The following PHKG2 variants were observed in gnomAD, a reference collection of about 807,000 sequenced individuals.
PHKG2 encodes phosphorylase b kinase gamma catalytic chain, liver/testis isoform.
PHKG2 carries 28 observed loss-of-function variants against 44.5 expected under a neutral mutation model. The ratio of observed to expected loss-of-function variants is 0.63; its 90% confidence interval spans 0.47 to 0.86. The LOEUF (loss-of-function observed/expected upper bound fraction) is 0.86, where lower values mean the gene tolerates loss of function less well. Among genes scored for constraint, PHKG2 ranks in the 40% least tolerant of loss-of-function variants. PHKG2 has a pLI of 0.00. For synonymous variants in PHKG2, 220 were observed against 211.2 expected, an observed-to-expected ratio of 1.04 and a Z score of -0.36; for missense variants, 498 against 547.5, an observed-to-expected ratio of 0.91 and a Z score of 0.90.
rs776358711 is a variant in PHKG2 at position 30,753,426 on chromosome 16, G to T, written c.425G>T (p.Ser142Ile). Residue 142 changes from serine to isoleucine, a missense_variant, in exon 6 of 10, where the codon AGC (serine) becomes ATC (isoleucine). Ser to Ile is a moderately radical substitution (Grantham distance 142). Coordinates refer to ENST00000563588, the MANE Select transcript of PHKG2 (RefSeq NM_000294.3). ...SIMRSLLEAV[S>I]FLHANNIVHR... Reference sequence around the variant, plus strand: ...ATGCGGTCTCTGCTGGAAGCAGTGAGCTTTCTCCATGCCAACAACATTGTG... The same window carrying T: ...ATGCGGTCTCTGCTGGAAGCAGTGATCTTTCTCCATGCCAACAACATTGTG... 6.2e-7 allele frequency: 1 copy of T among 1,614,018 alleles called. No individual in the cohort carries two copies. The highest frequency in any genetic ancestry group is 1.3e-5 in the African/African-American group (1 of 74,894).
At chr16:30,749,438 C>G (rs1388749956) in intron 2 of PHKG2, among the ~76,000 whole-genome samples, 2 of 152,144 alleles carry the variant, frequency 1.3e-5, no homozygotes, top group Admixed American at 6.5e-5. Context: ...ACCTCTGCCT[C>G]CTGGGTTCAA....
Position 30,757,531 on chromosome 16 carries a change from G to A in PHKG2, c.*434G>A. The A allele has an allele frequency of 1.2e-6, 2 of 1,614,244 alleles. No homozygotes were observed. The highest frequency in any genetic ancestry group is 1.7e-6 in the Non-Finnish European group (2 of 1,180,044). On this transcript the variant is annotated 3_prime_UTR_variant, in exon 10 of 10. Coordinates refer to ENST00000563588, the MANE Select transcript of PHKG2 (RefSeq NM_000294.3). Reference sequence around the variant, plus strand: ...AGGTAGCTGGAAGGGCCGCTCTAGTGCAGTCAACTTGCTGCTGAGCCTTTC... The same window carrying A: ...AGGTAGCTGGAAGGGCCGCTCTAGTACAGTCAACTTGCTGCTGAGCCTTTC...
chr16:30,751,034 T>C, intron 2 of PHKG2, 72 bp from the exon 3 acceptor site: 1 of 1,502,690 alleles, frequency 6.7e-7, no homozygotes, highest in South Asian at 1.1e-5. Flanking sequence ...GGCATGAGGA[T>C]GCTGAGGCCC....
At chr16:30,755,125 C>G (rs2053399885) in intron 6 of PHKG2, 1 of 325,524 alleles carries the variant, frequency 3.1e-6, no homozygotes, top group African/African-American at 2.2e-5. Context: ...ATCTGTCACC[C>G]CAGCTACTCG....
rs1428807767 is a variant in PHKG2, at chr16:30,749,196, C to CTGG, written c.95+290_95+292dup. Among the ~76,000 whole-genome samples, 560 of 31,270 alleles carry CTGG rather than the reference C, an allele frequency of 0.018. 138 individuals carry two copies. The South Asian group carries it at 0.46, about 26-fold the overall frequency. 20.5% of individuals were successfully genotyped at this position (31,270 alleles called of 152,430 possible). The stretch of plus-strand genomic sequence containing the variant: ...GCTGGTGGTGGTGCTGGTGGTGGTG[C>CTGG]TGGTGGTGGTGTGTGTGTGTGTGTG... On this transcript the variant is annotated intron_variant, in intron 2 of 9. Coordinates refer to ENST00000563588, the MANE Select transcript of PHKG2 (RefSeq NM_000294.3).
Position 30,751,623 on chromosome 16 carries a change from C to A in PHKG2, c.326+20C>A. On this transcript the variant is annotated intron_variant, in intron 4 of 9. Transcript: ENST00000563588. ...TGACCTGTGAGTATCTCCCTGCCAC[C>A]ATCTGAGAAGCCTCCTCCCCACCTC... 6.2e-7 allele frequency: 1 copy of A among 1,604,002 alleles called. No homozygotes were observed. Among genetic ancestry groups the A allele is most frequent in the Non-Finnish European group, 8.5e-7 (1 of 1,170,756 alleles).
At position 30,756,347 on chromosome 16, in the gene PHKG2, G is replaced by A. The variant is rs1169776790; in HGVS notation, c.648-20G>A. 6.2e-7 allele frequency: 1 copy of A among 1,614,036 alleles called. No individual in the cohort carries two copies. The highest frequency in any genetic ancestry group is 1.3e-5 in the African/African-American group (1 of 74,926). Reference sequence around the variant, plus strand: ...GTCTGCCCGTCACCTAGTCCCGCCTGACTCCAGTCTCTTTCCCAGCTGGGC... The same window carrying A: ...GTCTGCCCGTCACCTAGTCCCGCCTAACTCCAGTCTCTTTCCCAGCTGGGC... On this transcript the variant is annotated intron_variant, in intron 7 of 9. Coordinates refer to ENST00000563588, the MANE Select transcript of PHKG2 (RefSeq NM_000294.3).
chr16:30,752,941 G>A (rs2053370931), intron 4 of PHKG2: 9 of 459,196 alleles, frequency 2.0e-5, no homozygotes, highest in Middle Eastern at 1.2e-3. Flanking sequence ...ACTTTGAGAG[G>A]CCTTTTTCAG....
Position 30,760,656 on chromosome 16 carries a change from G to A in PHKG2, c.*3559G>A, listed in dbSNP as rs2053698797. The A allele has an allele frequency of 6.4e-7, 1 of 1,551,474 alleles. No homozygotes were observed. Among genetic ancestry groups the A allele is most frequent in the South Asian group, 1.2e-5 (1 of 83,904 alleles). ...TCTCCAGCTGGTGCATGGAATGGAC[G>A]TCCAGGTACTTCCTGTTATAGTAAA... On this transcript the variant is annotated 3_prime_UTR_variant, in exon 10 of 10. Transcript: ENST00000563588.
At chr16:30,751,022 C>A in intron 2 of PHKG2, 84 bp from the exon 3 acceptor site, 3 of 1,392,986 alleles carry the variant, frequency 2.2e-6, no homozygotes, top group Non-Finnish European at 2.0e-6. Flanking sequence ...TCTGGCACAG[C>A]GGGCATGAGG....
At position 30,756,665 on chromosome 16, in the gene PHKG2, C is replaced by G; in HGVS notation, c.877C>G (p.Arg293Gly). The G allele has an allele frequency of 6.2e-7, 1 of 1,614,020 alleles. No homozygotes were observed. Among genetic ancestry groups the G allele is most frequent in the Non-Finnish European group, 8.5e-7 (1 of 1,180,020 alleles). The change falls in exon 9 of 10, where the codon CGT (arginine) becomes GGT (glycine). Residue 293 changes from arginine (R) to glycine (G), a missense_variant. Physicochemically the swap from Arg to Gly is moderately radical, Grantham distance 125. Coordinates refer to ENST00000563588, the MANE Select transcript of PHKG2 (RefSeq NM_000294.3). Reference sequence around the variant, plus strand: ...GGCCCTACAGCACCCCTTCTTTGAGCGTTGTGAAGGCAGCCAACCCTGGAA... The same window carrying G: ...GGCCCTACAGCACCCCTTCTTTGAGGGTTGTGAAGGCAGCCAACCCTGGAA... ...EQALQHPFFERCEGSQPWNLT... is the reference protein window; with the variant it reads ...EQALQHPFFEGCEGSQPWNLT...
chr16:30,759,049 C>T lies in PHKG2; in HGVS notation c.*1952C>T. Reference sequence around the variant, plus strand: ...CTGGTGGGGCCACTGTCTCTAGTTCCTCTTTCTGCGGGGTAACTGCCTGCT... The same window carrying T: ...CTGGTGGGGCCACTGTCTCTAGTTCTTCTTTCTGCGGGGTAACTGCCTGCT... On this transcript the variant is annotated 3_prime_UTR_variant, in exon 10 of 10. Coordinates refer to ENST00000563588, the MANE Select transcript of PHKG2 (RefSeq NM_000294.3). 1.2e-6 allele frequency: 2 copies of T among 1,613,762 alleles called. No homozygotes were observed. The highest frequency in any genetic ancestry group is 1.1e-5 in the South Asian group (1 of 91,036).
At chr16:30,756,159 C>T in intron 6 of PHKG2, 23 bp from the exon 7 acceptor site, 1 of 1,589,520 alleles carries the variant, frequency 6.3e-7, no homozygotes, top group Non-Finnish European at 8.6e-7. Context: ...GGCATCCCCT[C>T]AATCTTGGTC....
chr16:30,756,182 A>T lies in PHKG2; in HGVS notation c.557A>T (p.Glu186Val). Residue 186 changes from glutamate to valine, a missense_variant and splice_region_variant, in exon 7 of 10, where the codon GAG (glutamate) becomes GTG (valine). Transcript: ENST00000563588. ...CHLEPGEKLR[E>V]LCGTPGYLAP... ...CTCAATCTTGGTCCTCTCTCCCCAG[A>T]GTTGTGTGGGACCCCAGGGTATCTA... 1 of 1,613,190 alleles carries T rather than the reference A, an allele frequency of 6.2e-7. No homozygotes were observed. The highest frequency in any genetic ancestry group is 8.5e-7 in the Non-Finnish European group (1 of 1,179,162).
At chr16:30,753,772 G>A (rs952390887) in intron 6 of PHKG2, among the ~76,000 whole-genome samples, 1 of 152,218 alleles carries the variant, frequency 6.6e-6, no homozygotes, top group Non-Finnish European at 1.5e-5. Context: ...CAGACAGACA[G>A]TGGTGCACAG....
intron 3 of PHKG2, 82 bp from the exon 4 acceptor site, chr16:30,751,467 T>C (rs890266382): frequency 7.3e-7 from 1 of 1,365,102 alleles, no homozygotes; most frequent in African/African-American, 1.4e-5. Context: ...AGCCCGCTGC[T>C]GTCCCAGGGT....
At position 30,756,193 on chromosome 16, in the gene PHKG2, A is replaced by T; in HGVS notation, c.568A>T (p.Thr190Ser). 6.2e-7 allele frequency: 1 copy of T among 1,613,790 alleles called. No homozygotes were observed. The highest frequency in any genetic ancestry group is 8.5e-7 in the Non-Finnish European group (1 of 1,179,790). Residue 190 changes from threonine to serine, a missense_variant, in exon 7 of 10, where the codon ACC becomes TCC. Physicochemically the swap from Thr to Ser is moderately conservative, Grantham distance 58. Transcript: ENST00000563588. ...PGEKLRELCGTPGYLAPEILK... is the reference protein window; with the variant it reads ...PGEKLRELCGSPGYLAPEILK... ...TCCTCTCTCCCCAGAGTTGTGTGGG[A>T]CCCCAGGGTATCTAGCGCCAGAGAT... is the stretch of plus-strand genomic sequence containing the variant.
Position 30,751,545 on chromosome 16 carries a change from C to G in PHKG2, c.272-4C>G. On this transcript the variant is annotated splice_polypyrimidine_tract_variant and splice_region_variant and intron_variant, in intron 3 of 9. Coordinates refer to ENST00000563588, the MANE Select transcript of PHKG2 (RefSeq NM_000294.3). ...TCTCTCTGCCTCTCTTCCTCTCTCC[C>G]TAGTCACCCTCATCGATTCCTACGA... 6.2e-7 allele frequency: 1 copy of G among 1,612,832 alleles called. No individual in the cohort carries two copies. The highest frequency in any genetic ancestry group is 8.5e-7 in the Non-Finnish European group (1 of 1,178,762).
intron 3 of PHKG2, 114 bp downstream of exon 3, chr16:30,751,395 T>A: frequency 7.5e-7 from 1 of 1,341,228 alleles, no homozygotes; most frequent in Non-Finnish European, 1.1e-6. Context: ...TTCATTCCAC[T>A]AAAGAGTGGC....
Sources: gnomAD v4.1 joint callset for allele counts (sites outside exome capture counted in the v4.1 genomes callset) on GRCh38, gnomAD v4.1.1 for gene constraint, MANE v1.5 for transcripts, NCBI Gene and HGNC (gene_info 2026-07-23, HGNC 2026-07-21) for gene names.